The following FLNB variants were observed in gnomAD, a reference collection of about 807,000 sequenced individuals.
FLNB encodes filamin B.
FLNB carries 111 observed loss-of-function variants against 250.6 expected under a neutral mutation model. That is an observed-to-expected ratio of 0.44 (90% confidence interval 0.38 to 0.52). The LOEUF (loss-of-function observed/expected upper bound fraction) is 0.52, where lower values mean the gene tolerates loss of function less well. Among genes scored for constraint, FLNB ranks in the 20% least tolerant of loss-of-function variants. FLNB has a pLI of 0.00. For missense variants in FLNB, 2,869 were observed against 3,447.8 expected (o/e 0.83, Z 4.20); for synonymous variants, 1,302 against 1,372.1 (o/e 0.95, Z 1.13).
At chr3:58,054,877 C>T (rs2097167839) in intron 1 of FLNB, among the ~76,000 whole-genome samples, 1 of 152,176 alleles carries the variant, frequency 6.6e-6, no homozygotes, top group Non-Finnish European at 1.5e-5. Context: ...ACATAGGCCA[C>T]ACTCATTTAT....
chr3:58,027,566 G>A (rs943694848), intron 1 of FLNB, among the ~76,000 whole-genome samples: 3 of 152,136 alleles, frequency 2.0e-5, no homozygotes, highest in Non-Finnish European at 2.9e-5. Context: ...ACAGGCATGA[G>A]CCACCGCGCC....
chr3:58,153,540 G>A lies in FLNB; in HGVS notation c.6533G>A (p.Gly2178Asp), dbSNP rs1386094182. The change falls in exon 39 of 46, where the codon GGC (glycine) becomes GAC (aspartate). Residue 2178 changes from glycine to aspartate, a missense_variant. By Grantham distance (94) the Gly-to-Asp change is moderately conservative. This residue lies in a region of FLNB where 1,084 missense variants were observed against 1,315.5 expected (regional missense o/e 0.82). Coordinates refer to ENST00000295956, the MANE Select transcript of FLNB (RefSeq NM_001457.4). The part of the protein sequence containing the change: ...SVKYRGQHVT[G>D]SPFQFTVGPL... ...AAGTACCGTGGGCAGCACGTCACCGGCAGCCCCTTCCAGTTCACCGTGGGG... is the reference window on the plus strand; with the variant it reads ...AAGTACCGTGGGCAGCACGTCACCGACAGCCCCTTCCAGTTCACCGTGGGG... 4 of 1,614,026 alleles carry A rather than the reference G, an allele frequency of 2.5e-6. No individual in the cohort carries two copies. Among genetic ancestry groups the A allele is most frequent in the Non-Finnish European group, 3.4e-6 (4 of 1,180,060 alleles).
At chr3:58,082,600 G>A (rs1378329952) in intron 4 of FLNB, among the ~76,000 whole-genome samples, 11 of 152,096 alleles carry the variant, frequency 7.2e-5, no homozygotes, top group South Asian at 2.1e-4. Flanking sequence ...GTGAAACCCT[G>A]TCTCTACAAA....
chr3:58,134,573 T>G (rs770336869), intron 26 of FLNB, 43 bp from the exon 27 acceptor site: 1 of 1,611,738 alleles, frequency 6.2e-7, no homozygotes, highest in Non-Finnish European at 8.5e-7. Context: ...TGGGTTGACA[T>G]GTATCTTTAT....
At chr3:58,018,962 C>CAAAAAAAAA (rs34503609) in intron 1 of FLNB, among the ~76,000 whole-genome samples, 1 of 71,400 alleles carries the variant, frequency 1.4e-5, no homozygotes, top group African/African-American at 5.0e-5. Context: ...CACATCTCTA[C>CAAAAAAAAA]AAAAAAAAAA....
chr3:58,122,576 C>T (rs944584053), intron 20 of FLNB, among the ~76,000 whole-genome samples: 1 of 151,994 alleles, frequency 6.6e-6, no homozygotes, highest in African/African-American at 2.4e-5. Flanking sequence ...CCAGTGGTCT[C>T]AATGGTGTGA....
chr3:58,170,480 T>C (rs1318590290), intron 45 of FLNB, 95 bp from the exon 46 acceptor site: 10 of 1,255,378 alleles, frequency 8.0e-6, no homozygotes, highest in South Asian at 1.3e-5. Flanking sequence ...CCCAGCATTA[T>C]CGTGGAAGCA....
chr3:58,105,000 G>T, intron 10 of FLNB, 80 bp from the exon 11 acceptor site: 1 of 1,582,412 alleles, frequency 6.3e-7, no homozygotes, highest in Non-Finnish European at 8.7e-7. Context: ...GAAAGAATGT[G>T]CAAAGGAACT....
chr3:58,052,363 C>T (rs2097163780), intron 1 of FLNB, among the ~76,000 whole-genome samples: 1 of 152,122 alleles, frequency 6.6e-6, no homozygotes, highest in Admixed American at 6.6e-5. Flanking sequence ...CTGACAGGGT[C>T]CAAAACTACT....
intron 9 of FLNB, among the ~76,000 whole-genome samples, chr3:58,103,089 A>G (rs2097253685): frequency 6.6e-6 from 1 of 152,094 alleles, no homozygotes; most frequent in South Asian, 2.1e-4. Flanking sequence ...TGTGTTCCCA[A>G]CAGGCTGGGG....
intron 1 of FLNB, among the ~76,000 whole-genome samples, chr3:58,060,681 C>T (rs2097176796): frequency 1.4e-5 from 2 of 142,558 alleles, no homozygotes; most frequent in Admixed American, 7.4e-5. Context: ...GGCGTGGTGG[C>T]ACACACCCCT....
intron 16 of FLNB, among the ~76,000 whole-genome samples, chr3:58,110,924 G>A (rs753104443): frequency 3.9e-5 from 6 of 152,050 alleles, no homozygotes; most frequent in Admixed American, 6.6e-5. Context: ...CTGCTCAATC[G>A]TTTTCTCTCT....
At chr3:58,067,828 G>A (rs1252861773) in intron 1 of FLNB, among the ~76,000 whole-genome samples, 3 of 152,038 alleles carry the variant, frequency 2.0e-5, no homozygotes, top group African/African-American at 7.2e-5. Context: ...GCCCACCTCC[G>A]CCTCCCAAAG....
rs142335746 is a variant in FLNB, at chr3:58,111,706, C to G, written c.2485-85C>G. On this transcript the variant is annotated intron_variant, in intron 16 of 45. Transcript: ENST00000295956. ...CACCACTCGCTAAGTCAGAGTGATG[C>G]TAAGGTTCACCCTTTGTTGAAGGCT... 6 of 966,520 alleles carry G rather than the reference C, an allele frequency of 6.2e-6. No individual in the cohort carries two copies. The African/African-American group carries it at 6.4e-5, about 10-fold the overall frequency. The allele number at this position is 966,520 out of a possible 1,614,324, so 59.9% of individuals were successfully genotyped here. A position where few individuals can be genotyped will look rare whatever the true frequency, so the allele number is the denominator to read the frequency against.
In FLNB at chr3:58,170,675, C is replaced by T. The variant is rs753368094; in HGVS notation, c.7722C>T (p.Val2574=). ...VGNQQYNVTY[V]VKERGDYVLA... ...ACCAGCAATACAACGTCACATACGTCGTCAAGGAGAGGGGCGATTATGTGC... is the reference window on the plus strand; with the variant it reads ...ACCAGCAATACAACGTCACATACGTTGTCAAGGAGAGGGGCGATTATGTGC... The change falls in exon 46 of 46, where the codon GTC becomes GTT. Residue 2574 remains valine (V), a synonymous_variant. Coordinates refer to ENST00000295956, the MANE Select transcript of FLNB (RefSeq NM_001457.4). 6 of 1,613,982 alleles carry T rather than the reference C, an allele frequency of 3.7e-6. No individual in the cohort carries two copies. Among genetic ancestry groups the T allele is most frequent in the African/African-American group, 1.3e-5 (1 of 74,892 alleles).
At chr3:58,048,727 T>C (rs1406367164) in intron 1 of FLNB, among the ~76,000 whole-genome samples, 1 of 152,234 alleles carries the variant, frequency 6.6e-6, no homozygotes, top group African/African-American at 2.4e-5. Flanking sequence ...TTTTCACTCA[T>C]TGGTGAACTG....
rs1012382656 is a variant in FLNB at position 58,107,013 on chromosome 3, T to C, written c.1941+140T>C. 6 of 617,572 alleles carry C rather than the reference T, an allele frequency of 9.7e-6. No individual in the cohort carries two copies. In the African/African-American group the frequency reaches 1.1e-4, roughly 11 times the overall value. The allele number at this position is 617,572 out of a possible 1,614,324, so 38.3% of individuals were successfully genotyped here. ...TTTTAGGAAGGAAACAGGCCTGCAT[T>C]TGTTTGTTTGTTTGTTTGTTTGTTT... On this transcript the variant is annotated intron_variant, in intron 12 of 45. Transcript: ENST00000295956.
chr3:58,019,507 A>G (rs2097110629), intron 1 of FLNB, among the ~76,000 whole-genome samples: 1 of 152,232 alleles, frequency 6.6e-6, no homozygotes, highest in Admixed American at 6.5e-5. Context: ...CAGATGAGAA[A>G]ACTGAGGCTC....
In FLNB at chr3:58,169,084, A is replaced by AC; in HGVS notation, c.7417+428dup. ...CACTTCACAGCCACCACCCAAGGTA[A>AC]CCACCATAAACACTGTAGTAAATCC... On this transcript the variant is annotated intron_variant, in intron 44 of 45. Coordinates refer to ENST00000295956, the MANE Select transcript of FLNB (RefSeq NM_001457.4). This position sits in a 1 kb window ranked among gnomAD's most constrained non-coding sequence, Gnocchi z 4.8. 1 of 296,710 alleles carries AC rather than the reference A, an allele frequency of 3.4e-6. No individual in the cohort carries two copies. Among genetic ancestry groups the AC allele is most frequent in the African/African-American group, 2.2e-5 (1 of 46,072 alleles). 18.4% of individuals were successfully genotyped at this position (296,710 alleles called of 1,614,324 possible). A position where few individuals can be genotyped will look rare whatever the true frequency, so the allele number is the denominator to read the frequency against.
Sources: gnomAD v4.1 joint callset for allele counts (sites outside exome capture counted in the v4.1 genomes callset) on GRCh38, gnomAD v4.1.1 for gene constraint, gnomAD v4.1.1 regional missense constraint, Gnocchi (gnomAD v3.1) non-coding constraint, MANE v1.5 for transcripts, NCBI Gene and HGNC (gene_info 2026-07-23, HGNC 2026-07-21) for gene names.